The following FBLN7 variants were observed in gnomAD, a reference collection of about 807,000 sequenced individuals.
FBLN7 encodes the protein fibulin-7.
A neutral mutation model predicts 44.0 loss-of-function variants in FBLN7; 31 were observed. The observed-to-expected ratio is 0.70, with a 90% CI of 0.53 to 0.95. FBLN7 has a LOEUF of 0.95. Ranked by LOEUF, FBLN7 falls within the 40% of genes least tolerant of loss-of-function variation. The probability of loss-of-function intolerance (pLI) is 0.00; values close to 1 mark genes in which losing one functional copy is unlikely to be tolerated. For missense variants in FBLN7, 573 were observed against 618.5 expected, an observed-to-expected ratio of 0.93 and a Z score of 0.78; for synonymous variants, 262 against 253.4, an observed-to-expected ratio of 1.03 and a Z score of -0.32.
At chr2:112,141,072 G>T (rs1043037799) in intron 1 of FBLN7, among the ~76,000 whole-genome samples, 1 of 152,190 alleles carries the variant, frequency 6.6e-6, no homozygotes, top group African/African-American at 2.4e-5. Context: ...TGAGGGGCCC[G>T]GCCATGGACT....
At chr2:112,221,657 G>T in the FBLN7 span, among the ~76,000 whole-genome samples, 1 of 152,042 alleles carries the variant, frequency 6.6e-6, no homozygotes, top group Non-Finnish European at 1.5e-5. Context: ...TGATTCTGCT[G>T]ATAAGACTTG....
At chr2:112,198,638 A>G in the FBLN7 span, among the ~76,000 whole-genome samples, 2 of 89,198 alleles carry the variant, frequency 2.2e-5, no homozygotes, top group Non-Finnish European at 4.6e-5. Flanking sequence ...TGTCTCAAAA[A>G]AAAAGAAAGA....
intron 1 of FBLN7, among the ~76,000 whole-genome samples, chr2:112,144,737 G>GTTA (rs1680826012): frequency 1.3e-5 from 2 of 152,222 alleles, no homozygotes; most frequent in South Asian, 4.1e-4. Flanking sequence ...TTGTTAGCCA[G>GTTA]GATGGTCTCT....
the FBLN7 span, among the ~76,000 whole-genome samples, chr2:112,198,284 T>C: frequency 2.0e-5 from 3 of 152,226 alleles, no homozygotes; most frequent in East Asian, 5.8e-4. Context: ...GTAGGGCTTT[T>C]GGGAGGTGAT....
chr2:112,212,399 GA>G, the FBLN7 span: 1 of 152,202 alleles, frequency 6.6e-6, no homozygotes, highest in Admixed American at 6.5e-5. Context: ...TGCAGGAGCT[GA>G]ATACAATGAA....
At chr2:112,162,966 C>T (rs1681953940) in intron 2 of FBLN7, among the ~76,000 whole-genome samples, 1 of 152,166 alleles carries the variant, frequency 6.6e-6, no homozygotes, top group Non-Finnish European at 1.5e-5. Context: ...GAGGCAGAAC[C>T]CCGGGAGCAG....
the FBLN7 span, among the ~76,000 whole-genome samples, chr2:112,240,982 TGTGCGC>T: frequency 7.1e-6 from 1 of 140,640 alleles, no homozygotes; most frequent in African/African-American, 2.6e-5. Context: ...TGTGTGTGTG[TGTGCGC>T]GTGTGTATGT....
At chr2:112,183,002 G>A (rs1227097595) in intron 6 of FBLN7, 74 bp downstream of exon 6, 2 of 1,561,204 alleles carry the variant, frequency 1.3e-6, no homozygotes, top group Non-Finnish European at 1.7e-6. Context: ...CCTCACAGTC[G>A]GGAGTGAGGT....
Position 112,187,052 on chromosome 2 carries a change from G to A in FBLN7, c.948-82G>A, listed in dbSNP as rs1288343299. The stretch of plus-strand genomic sequence containing the variant: ...GGTCATCTAGGTGGCCTCTGCAAGA[G>A]GGCAGGTGGGCAGCCGGGTCAGAGC... On this transcript the variant is annotated intron_variant, in intron 7 of 7. Coordinates refer to ENST00000331203, the MANE Select transcript of FBLN7 (RefSeq NM_153214.3). The surrounding 1 kb of genome is among the most constrained non-coding windows in gnomAD (Gnocchi z 5.1). The A allele has an allele frequency of 2.1e-5, 32 of 1,539,914 alleles. No individual in the cohort carries two copies. Among genetic ancestry groups the A allele is most frequent in the Non-Finnish European group, 2.8e-5 (32 of 1,138,354 alleles).
intron 1 of FBLN7, among the ~76,000 whole-genome samples, chr2:112,144,507 GT>G (rs1304984190): frequency 1.4e-5 from 2 of 144,170 alleles, no homozygotes; most frequent in African/African-American, 2.5e-5. Flanking sequence ...TTTTGTTTTT[GT>G]TTTTGTTTTC....
At chr2:112,223,436 T>C in the FBLN7 span, among the ~76,000 whole-genome samples, 1 of 152,168 alleles carries the variant, frequency 6.6e-6, no homozygotes, top group African/African-American at 2.4e-5. Context: ...GAGTGTTGAA[T>C]TTAGCAGAAA....
At chr2:112,190,083 C>G (rs1309626921), downstream of FBLN7, 2 of 152,086 alleles carry the variant, frequency 1.3e-5, no homozygotes, top group Non-Finnish European at 2.9e-5. Flanking sequence ...AATATAGGGT[C>G]ATTTATATTG....
In FBLN7 at chr2:112,187,344, G is replaced by A; in HGVS notation, c.1158G>A (p.Met386Ile). 1 of 1,614,184 alleles carries A rather than the reference G, an allele frequency of 6.2e-7. No homozygotes were observed. The highest frequency in any genetic ancestry group is 8.5e-7 in the Non-Finnish European group (1 of 1,180,056). ...VGGNSRGHFVMQRSDRQTGDL... is the reference protein window; with the variant it reads ...VGGNSRGHFVIQRSDRQTGDL... Reference sequence around the variant, plus strand: ...GGAACAGCCGCGGCCACTTTGTGATGCAGCGTTCAGACCGGCAGACTGGGG... The same window carrying A: ...GGAACAGCCGCGGCCACTTTGTGATACAGCGTTCAGACCGGCAGACTGGGG... Residue 386 changes from methionine (M) to isoleucine (I), a missense_variant, in exon 8 of 8, where the codon ATG becomes ATA. Met to Ile is a conservative substitution (Grantham distance 10). Transcript: ENST00000331203. This position sits in a 1 kb window ranked among gnomAD's most constrained non-coding sequence, Gnocchi z 5.1.
intron 3 of FBLN7, among the ~76,000 whole-genome samples, chr2:112,174,820 C>T (rs1682653508): frequency 6.6e-6 from 1 of 152,152 alleles, no homozygotes; most frequent in South Asian, 2.1e-4. Flanking sequence ...AGCGATTCTC[C>T]TGCCTCAGAC....
At chr2:112,182,149 A>G in intron 5 of FBLN7, 1 of 462,874 alleles carries the variant, frequency 2.2e-6, no homozygotes, top group Non-Finnish European at 3.8e-6. Flanking sequence ...GAGACCCTCC[A>G]TCCCCTCCGC....
chr2:112,180,291 G>A (rs906217425), intron 4 of FBLN7, among the ~76,000 whole-genome samples: 3 of 152,114 alleles, frequency 2.0e-5, no homozygotes, highest in Non-Finnish European at 4.4e-5. Flanking sequence ...TCTGGTATGA[G>A]ATACTATCTC....
At chr2:112,224,585 C>A in the FBLN7 span, among the ~76,000 whole-genome samples, 101 of 152,242 alleles carry the variant, frequency 6.6e-4, no homozygotes, top group African/African-American at 2.3e-3. Flanking sequence ...TTATAATACT[C>A]AAATGTCCAT....
the FBLN7 span, among the ~76,000 whole-genome samples, chr2:112,197,381 G>T: frequency 6.6e-6 from 1 of 152,002 alleles, no homozygotes; most frequent in Admixed American, 6.6e-5. Context: ...ACAGCAAAGG[G>T]ATGCTGAGAT....
chr2:112,165,980 G>A (rs774718893), intron 3 of FBLN7, among the ~76,000 whole-genome samples: 3 of 152,242 alleles, frequency 2.0e-5, no homozygotes, highest in Admixed American at 6.5e-5. Flanking sequence ...TAGCCAAAGA[G>A]TTGAAGGAGA....
Sources: allele counts gnomAD v4.1 joint callset (sites outside exome capture counted in the v4.1 genomes callset), GRCh38; gene constraint gnomAD v4.1.1; non-coding constraint Gnocchi (gnomAD v3.1); transcripts MANE v1.5; gene names NCBI Gene and HGNC (gene_info 2026-07-23, HGNC 2026-07-21).